The following TICRR variants were observed in gnomAD, a reference collection of about 807,000 sequenced individuals.
TICRR encodes treslin.
A neutral mutation model predicts 178.1 loss-of-function variants in TICRR; 132 were observed. That is an observed-to-expected ratio of 0.74 (90% CI 0.64 to 0.86). The LOEUF (loss-of-function observed/expected upper bound fraction) is 0.86. Ranked by LOEUF, TICRR falls within the 40% of genes least tolerant of loss-of-function variation. The pLI is 0.00. For missense variants in TICRR, 2,587 were observed against 2,334.3 expected, an observed-to-expected ratio of 1.11 and a Z score of -2.23; for synonymous variants, 991 against 900.7, an observed-to-expected ratio of 1.10 and a Z score of -1.79.
At chr15:89,584,574 G>A in intron 3 of TICRR, 47 bp downstream of exon 3, 9 of 1,485,386 alleles carry the variant, frequency 6.1e-6, no homozygotes, top group South Asian at 5.8e-5. Flanking sequence ...ACAACACACT[G>A]GTAAAGTGAA....
At chr15:89,608,467 A>G (rs896733593) in intron 14 of TICRR, among the ~76,000 whole-genome samples, 3 of 152,244 alleles carry the variant, frequency 2.0e-5, no homozygotes, top group Non-Finnish European at 4.4e-5. Context: ...ATTATGGTCA[A>G]CTGATATTCA....
At chr15:89,608,110 A>T (rs1422679684) in intron 14 of TICRR, among the ~76,000 whole-genome samples, 2 of 152,174 alleles carry the variant, frequency 1.3e-5, no homozygotes, top group Non-Finnish European at 2.9e-5. Flanking sequence ...CCATCCTCTT[A>T]CTTAAGAATT....
At position 89,594,421 on chromosome 15, in the gene TICRR, AC is replaced by A; in HGVS notation, c.1549del (p.Gln517ArgfsTer17). On this transcript the variant is annotated frameshift_variant, in exon 6 of 22. Transcript: ENST00000268138. LOFTEE classifies it high-confidence loss of function. ...SDLMESFGLL[Q>X]AASANKEESS... ...AGACATCTTGACTTCACAGGTTACT[AC>A]AGGCTGCCTCAGCTAATAAGGAAGA... 1 of 1,610,946 alleles carries A rather than the reference AC, an allele frequency of 6.2e-7. No homozygotes were observed. The highest frequency in any genetic ancestry group is 8.5e-7 in the Non-Finnish European group (1 of 1,178,690).
intron 2 of TICRR, among the ~76,000 whole-genome samples, chr15:89,583,834 G>GA (rs60855382): frequency 0.27 from 40,331 of 151,902 alleles, 6,059 homozygotes; most frequent in South Asian, 0.39. Flanking sequence ...CTAAAGGCAT[G>GA]AGCCACCACA....
rs757704393 is a variant in TICRR, at chr15:89,616,424, T to G, written c.2889T>G (p.Thr963=). The stretch of plus-strand genomic sequence containing the variant: ...TTTTAGGTTATCACAAACTGCTGAC[T>G]AAGAGTGTGGCCGAGACTCCAGTGC... ...KKNKGYHKLL[T]KSVAETPVHK... is the part of the protein sequence containing the mutation. The change falls in exon 16 of 22, where the codon ACT becomes ACG. Residue 963 remains threonine, a synonymous_variant. Coordinates refer to ENST00000268138, the MANE Select transcript of TICRR (RefSeq NM_152259.4). 2 of 1,614,034 alleles carry G rather than the reference T, an allele frequency of 1.2e-6. No homozygotes were observed. The highest frequency in any genetic ancestry group is 4.5e-5 in the East Asian group (2 of 44,886).
At chr15:89,604,186 CATTA>C (rs1232867035) in intron 13 of TICRR, among the ~76,000 whole-genome samples, 2 of 152,134 alleles carry the variant, frequency 1.3e-5, no homozygotes, top group Non-Finnish European at 2.9e-5. Context: ...TCTTTAGAAG[CATTA>C]ATTATTATAA....
At chr15:89,576,487 C>A (rs749680454) in intron 1 of TICRR, among the ~76,000 whole-genome samples, 1 of 152,120 alleles carries the variant, frequency 6.6e-6, no homozygotes. Context: ...TTCCTACACA[C>A]TACATCTACT....
chr15:89,578,427 A>G (rs1307637817), intron 1 of TICRR, among the ~76,000 whole-genome samples: 1 of 152,214 alleles, frequency 6.6e-6, no homozygotes, highest in Non-Finnish European at 1.5e-5. Flanking sequence ...AGGGGATGGT[A>G]AACATTTGAT....
At chr15:89,610,677 C>T (rs931746701) in intron 15 of TICRR, among the ~76,000 whole-genome samples, 1 of 152,136 alleles carries the variant, frequency 6.6e-6, no homozygotes, top group Non-Finnish European at 1.5e-5. Context: ...AATTGCAGTG[C>T]TTAATCCACT....
At position 89,576,252 on chromosome 15, in the gene TICRR, T is replaced by A; in HGVS notation, c.654+12T>A. 1.3e-6 allele frequency: 2 copies of A among 1,531,506 alleles called. No individual in the cohort carries two copies. The highest frequency in any genetic ancestry group is 1.7e-6 in the Non-Finnish European group (2 of 1,144,464). 94.9% of individuals were successfully genotyped at this position (1,531,506 alleles called of 1,614,324 possible). A position where few individuals can be genotyped will look rare whatever the true frequency, so the allele number is the denominator to read the frequency against. ...CCGAATGGTCTAAGGTAAGGAAGGTTACTGTCGTCTCAGATGGCGTGCACG... is the reference window on the plus strand; with the variant it reads ...CCGAATGGTCTAAGGTAAGGAAGGTAACTGTCGTCTCAGATGGCGTGCACG... On this transcript the variant is annotated intron_variant, in intron 1 of 21. Coordinates refer to ENST00000268138, the MANE Select transcript of TICRR (RefSeq NM_152259.4).
chr15:89,581,018 A>G (rs1262200927), intron 1 of TICRR, among the ~76,000 whole-genome samples: 1 of 152,250 alleles, frequency 6.6e-6, no homozygotes, highest in Non-Finnish European at 1.5e-5. Context: ...CCTGGGCAAC[A>G]GAGCAAGATC....
rs774748345 is a variant in TICRR, at chr15:89,600,585, G to C, written c.2053G>C (p.Val685Leu). 6.6e-7 allele frequency: 1 copy of C among 1,510,584 alleles called. No individual in the cohort carries two copies. The highest frequency in any genetic ancestry group is 9.0e-7 in the Non-Finnish European group (1 of 1,113,138). 93.6% of individuals were successfully genotyped at this position (1,510,584 alleles called of 1,614,324 possible). ...LKSKGTKELE[V>L]NCLNQVKSSL... is the part of the protein sequence containing the mutation. The stretch of plus-strand genomic sequence containing the variant: ...CTATGTAATAATTTTGTATTTTTAG[G>C]TGAACTGCCTGAATCAAGTAAAAAG... Residue 685 changes from valine (V) to leucine (L), a missense_variant and splice_region_variant, in exon 9 of 22, where the codon GTG (valine) becomes CTG (leucine). Coordinates refer to ENST00000268138, the MANE Select transcript of TICRR (RefSeq NM_152259.4).
chr15:89,619,265 G>A (rs1468154496), intron 17 of TICRR, among the ~76,000 whole-genome samples: 5 of 106,664 alleles, frequency 4.7e-5, no homozygotes, highest in African/African-American at 7.5e-5. Flanking sequence ...TTGCTCTGTC[G>A]CCCAGGCTGG....
At chr15:89,618,474 C>A (rs1410733927) in intron 17 of TICRR, among the ~76,000 whole-genome samples, 1 of 152,136 alleles carries the variant, frequency 6.6e-6, no homozygotes, top group Non-Finnish European at 1.5e-5. Context: ...AGTGCTATGA[C>A]TTATTTTAAA....
At chr15:89,598,127 T>C (rs915230114) in intron 7 of TICRR, among the ~76,000 whole-genome samples, 10 of 32,642 alleles carry the variant, frequency 3.1e-4, no homozygotes, top group African/African-American at 6.1e-4. Flanking sequence ...CCAGGAGTTT[T>C]TTGTTTGTTT....
rs1963213588 is a variant in TICRR at position 89,608,925 on chromosome 15, CT to C, written c.2847del (p.Asp950ThrfsTer13). The C allele has an allele frequency of 6.3e-7, 1 of 1,598,712 alleles. No homozygotes were observed. Among genetic ancestry groups the C allele is most frequent in the Non-Finnish European group, 8.5e-7 (1 of 1,175,606 alleles). Reference sequence around the variant, plus strand: ...AGCTGTGGATGGTCTAGAGGATAAACTTGACAACTTCAAGAAGAACAAAGGT... The same window carrying C: ...AGCTGTGGATGGTCTAGAGGATAAACTGACAACTTCAAGAAGAACAAAGGT... ...VSAVDGLEDK[L>X]DNFKKNKGYH... On this transcript the variant is annotated frameshift_variant, in exon 15 of 22. Coordinates refer to ENST00000268138, the MANE Select transcript of TICRR (RefSeq NM_152259.4). LOFTEE classifies it high-confidence loss of function.
At chr15:89,587,424 C>G (rs917154364) in intron 4 of TICRR, among the ~76,000 whole-genome samples, 5 of 152,178 alleles carry the variant, frequency 3.3e-5, no homozygotes, top group African/African-American at 1.2e-4. Context: ...GGGTTAAGAT[C>G]ACCATGGGGG....
At chr15:89,603,712 T>C (rs186684530) in intron 13 of TICRR, among the ~76,000 whole-genome samples, 3 of 152,222 alleles carry the variant, frequency 2.0e-5, no homozygotes, top group Non-Finnish European at 4.4e-5. Context: ...AGACCCCCAG[T>C]GGATGCCTGA....
intron 4 of TICRR, among the ~76,000 whole-genome samples, chr15:89,586,352 G>A (rs62023127): frequency 0.049 from 7,467 of 150,958 alleles, 214 homozygotes; most frequent in East Asian, 0.096. Flanking sequence ...TTAAATATAC[G>A]TATACATATA....
Sources: gnomAD v4.1 joint callset for allele counts (sites outside exome capture counted in the v4.1 genomes callset) on GRCh38, gnomAD v4.1.1 for gene constraint, MANE v1.5 for transcripts, NCBI Gene and HGNC (gene_info 2026-07-23, HGNC 2026-07-21) for gene names.